Variants in SEC14L1 observed in about 807,000 individuals in gnomAD.
The protein encoded by SEC14L1 is SEC14-like protein 1.
A neutral mutation model predicts 85.3 loss-of-function variants in SEC14L1; 48 were observed. That is an observed-to-expected ratio of 0.56 (90% CI 0.45 to 0.72). The LOEUF is 0.72. Among genes scored for constraint, SEC14L1 ranks in the 30% least tolerant of loss-of-function variants. SEC14L1 has a pLI of 0.00. For synonymous variants in SEC14L1, 391 were observed against 355.5 expected, an observed-to-expected ratio of 1.10 and a Z score of -1.12; for missense variants, 682 against 921.4, an observed-to-expected ratio of 0.74 and a Z score of 3.36.
At chr17:77,123,042 GTTT>G (rs943727242) in intron 3 of SEC14L1, among the ~76,000 whole-genome samples, 1 of 150,736 alleles carries the variant, frequency 6.6e-6, no homozygotes, top group African/African-American at 2.4e-5. Flanking sequence ...TTGTTGTTTT[GTTT>G]TTTTGTTTTT....
intron 3 of SEC14L1, among the ~76,000 whole-genome samples, chr17:77,127,304 A>G (rs1972478397): frequency 6.6e-6 from 1 of 152,068 alleles, no homozygotes; most frequent in Admixed American, 6.6e-5. Context: ...TGTCCCTGCA[A>G]AGGACATGAA....
chr17:77,184,907 C>G (rs553733465), intron 3 of SEC14L1, among the ~76,000 whole-genome samples: 29 of 152,318 alleles, frequency 1.9e-4, no homozygotes, highest in African/African-American at 6.7e-4. Flanking sequence ...CTGAAAAACT[C>G]AGGTTCTGGT....
intron 6 of SEC14L1, 105 bp downstream of exon 6, chr17:77,193,654 C>A: frequency 8.2e-7 from 1 of 1,222,164 alleles, no homozygotes; most frequent in Non-Finnish European, 1.2e-6. Flanking sequence ...TGCAGCATTT[C>A]TTGGGTGGAA....
At chr17:77,110,281 A>C (rs1299055451) in intron 3 of SEC14L1, among the ~76,000 whole-genome samples, 1 of 152,202 alleles carries the variant, frequency 6.6e-6, no homozygotes, top group African/African-American at 2.4e-5. Context: ...ATTGTTGGAC[A>C]AAAAGAAAAA....
Position 77,212,086 on chromosome 17 carries a change from G to A in SEC14L1, c.1748G>A (p.Ser583Asn), listed in dbSNP as rs769706573. 6.2e-6 allele frequency: 10 copies of A among 1,614,056 alleles called. No individual in the cohort carries two copies. The East Asian group carries it at 1.3e-4, about 22-fold the overall frequency. Residue 583 changes from serine to asparagine, a missense_variant, in exon 15 of 17, where the codon AGC becomes AAC. By Grantham distance (46) the Ser-to-Asn change is conservative. Coordinates refer to ENST00000436233, the MANE Select transcript of SEC14L1 (RefSeq NM_001143998.2). ...AAAAAGGACTCCCTGGGAGCCCACA[G>A]CATCACCTCTCCGGGTGGGAACAAT... Reference protein sequence around the residue: ...PPKKDSLGAHSITSPGGNNVQ... With the variant: ...PPKKDSLGAHNITSPGGNNVQ...
chr17:77,099,721 A>G (rs1371542130), intron 3 of SEC14L1, among the ~76,000 whole-genome samples: 1 of 152,172 alleles, frequency 6.6e-6, no homozygotes, highest in East Asian at 1.9e-4. Context: ...ACCCCACTGC[A>G]TTCCAGCCTG....
chr17:77,129,551 G>A (rs564892390), intron 3 of SEC14L1, among the ~76,000 whole-genome samples: 3 of 152,194 alleles, frequency 2.0e-5, no homozygotes, highest in East Asian at 1.9e-4. Context: ...CTCTGAGTTC[G>A]AATCTCCTGG....
intron 8 of SEC14L1, chr17:77,199,043 T>C (rs979545894): frequency 6.6e-6 from 1 of 150,410 alleles, no homozygotes; most frequent in African/African-American, 2.4e-5. Flanking sequence ...TTCGCTCTTG[T>C]TGCCCAGGCT....
intron 3 of SEC14L1, among the ~76,000 whole-genome samples, chr17:77,166,626 G>A (rs1974294252): frequency 6.6e-6 from 1 of 152,148 alleles, no homozygotes; most frequent in Non-Finnish European, 1.5e-5. Context: ...GATCACTTGA[G>A]GTCAGGAGTT....
chr17:77,101,780 T>C lies in SEC14L1; in HGVS notation c.-136+8433T>C, dbSNP rs147319879. On this transcript the variant is annotated intron_variant, in intron 3 of 19. Coordinates refer to the SEC14L1 transcript ENST00000392476. Reference sequence around the variant, plus strand: ...GGATGGTGGGACTTAGGCGTGGACTTACTTTGTAGAACACATCATCCTGAC... The same window carrying C: ...GGATGGTGGGACTTAGGCGTGGACTCACTTTGTAGAACACATCATCCTGAC... Among the ~76,000 whole-genome samples, 279 of 152,316 alleles carry C rather than the reference T, an allele frequency of 1.8e-3. 1 individual carries two copies. Among genetic ancestry groups the C allele is most frequent in the African/African-American group, 6.0e-3 (249 of 41,576 alleles).
At chr17:77,169,698 G>A (rs1224246313) in intron 3 of SEC14L1, among the ~76,000 whole-genome samples, 1 of 152,212 alleles carries the variant, frequency 6.6e-6, no homozygotes, top group African/African-American at 2.4e-5. Context: ...AGAAGAAGGT[G>A]AAGGGGGTTG....
intron 7 of SEC14L1, 49 bp downstream of exon 7, chr17:77,194,960 C>T (rs752400757): frequency 3.5e-5 from 50 of 1,421,000 alleles, no homozygotes; most frequent in East Asian, 4.6e-5. Flanking sequence ...GGGAAGTCGG[C>T]GTTGCCGTTT....
chr17:77,214,090 C>A lies in SEC14L1; in HGVS notation c.*67C>A. 6.4e-7 allele frequency: 1 copy of A among 1,566,564 alleles called. No homozygotes were observed. Among genetic ancestry groups the A allele is most frequent in the South Asian group, 1.2e-5 (1 of 84,858 alleles). On this transcript the variant is annotated 3_prime_UTR_variant, in exon 17 of 17. Coordinates refer to ENST00000436233, the MANE Select transcript of SEC14L1 (RefSeq NM_001143998.2). ...CCCTCCTCGGACAGCCAGCTGCACC[C>A]GCCCACCCAGCGGCGACATTGTACA...
intron 10 of SEC14L1, among the ~76,000 whole-genome samples, chr17:77,204,614 G>A (rs1229631789): frequency 1.4e-5 from 2 of 144,112 alleles, no homozygotes; most frequent in Non-Finnish European, 3.0e-5. Flanking sequence ...ATTCGTGGGT[G>A]TCATCACGAC....
At chr17:77,098,543 G>A (rs1971700536) in intron 3 of SEC14L1, among the ~76,000 whole-genome samples, 1 of 151,866 alleles carries the variant, frequency 6.6e-6, no homozygotes, top group Non-Finnish European at 1.5e-5. Context: ...CCCATTGAGA[G>A]GATCCCAGGT....
rs942154152 is a variant in SEC14L1 at position 77,215,421 on chromosome 17, G to A, written c.*1398G>A. 1.1e-5 allele frequency: 11 copies of A among 985,536 alleles called. No homozygotes were observed. The highest frequency in any genetic ancestry group is 1.3e-5 in the Non-Finnish European group (11 of 830,012). The allele number at this position is 985,536 out of a possible 1,614,324, so 61.0% of individuals were successfully genotyped here. A position where few individuals can be genotyped will look rare whatever the true frequency, so the allele number is the denominator to read the frequency against. On this transcript the variant is annotated 3_prime_UTR_variant, in exon 17 of 17. Coordinates refer to ENST00000436233, the MANE Select transcript of SEC14L1 (RefSeq NM_001143998.2). ...CACGCGGCTGTCAACTGTGTGCGTGGTAGGCATGGAGATCCTGGTTGTGCC... is the reference window on the plus strand; with the variant it reads ...CACGCGGCTGTCAACTGTGTGCGTGATAGGCATGGAGATCCTGGTTGTGCC...
intron 3 of SEC14L1, among the ~76,000 whole-genome samples, chr17:77,096,622 A>T (rs1971655071): frequency 6.6e-6 from 1 of 152,002 alleles, no homozygotes; most frequent in African/African-American, 2.4e-5. Context: ...AAGAACAGTT[A>T]AGTCAAGATT....
chr17:77,185,536 G>C (rs112481389), intron 3 of SEC14L1, among the ~76,000 whole-genome samples: 56 of 152,298 alleles, frequency 3.7e-4, no homozygotes, highest in African/African-American at 1.3e-3. Flanking sequence ...AGGATGGTGT[G>C]TGTATTTTGA....
At chr17:77,142,412 A>C (rs1222591006) in intron 1 of SEC14L1, among the ~76,000 whole-genome samples, 1 of 151,976 alleles carries the variant, frequency 6.6e-6, no homozygotes, top group East Asian at 1.9e-4. Flanking sequence ...TTCTACAAAA[A>C]ATATATATGG....
Sources: gnomAD v4.1 joint callset for allele counts (sites outside exome capture counted in the v4.1 genomes callset) on GRCh38, gnomAD v4.1.1 for gene constraint, MANE v1.5 for transcripts, NCBI Gene and HGNC (gene_info 2026-07-23, HGNC 2026-07-21) for gene names.